Variants in PRPSAP2 observed in about 807,000 individuals in gnomAD.
PRPSAP2 encodes the protein phosphoribosyl pyrophosphate synthetase associated protein 2.
Under a neutral mutation model 40.6 loss-of-function variants are expected in PRPSAP2, and 24 were observed. The observed-to-expected ratio is 0.59, with a 90% CI of 0.43 to 0.83. PRPSAP2 has a LOEUF of 0.83. Ranked by LOEUF, PRPSAP2 falls within the 40% of genes least tolerant of loss-of-function variation. The pLI is 0.00. For missense variants in PRPSAP2, 292 were observed against 465.6 expected (o/e 0.63, Z 3.43); for synonymous variants, 149 against 164.7 (o/e 0.90, Z 0.73).
chr17:18,871,653 CTTTTTTTTTTTTT>C (rs142523345), intron 4 of PRPSAP2, among the ~76,000 whole-genome samples: 2 of 129,784 alleles, frequency 1.5e-5, no homozygotes, highest in East Asian at 2.7e-4. Flanking sequence ...ATATAATTTT[CTTTTTTTTTTTTT>C]TTTTTTTTTT....
intron 6 of PRPSAP2, among the ~76,000 whole-genome samples, chr17:18,878,395 A>G (rs1184908317): frequency 1.3e-5 from 2 of 152,176 alleles, no homozygotes; most frequent in African/African-American, 2.4e-5. Context: ...ATAGGCATAT[A>G]TTGGAAAAGA....
At chr17:18,917,021 A>C (rs1567743229) in intron 9 of PRPSAP2, among the ~76,000 whole-genome samples, 1 of 152,188 alleles carries the variant, frequency 6.6e-6, no homozygotes, top group Non-Finnish European at 1.5e-5. Context: ...ACCAGGAGGA[A>C]ATAGGAAGAA....
intron 8 of PRPSAP2, chr17:18,904,548 G>A (rs1156780762): frequency 2.0e-5 from 3 of 151,998 alleles, no homozygotes; most frequent in Non-Finnish European, 4.4e-5. Context: ...AGCCACTGTT[G>A]GGATAACAGG....
intron 4 of PRPSAP2, among the ~76,000 whole-genome samples, chr17:18,868,723 A>ATTTT (rs34924536): frequency 1.4e-5 from 2 of 144,492 alleles, no homozygotes; most frequent in Non-Finnish European, 3.0e-5. Flanking sequence ...TTAAAAAAAC[A>ATTTT]TTTTTTTTTT....
chr17:18,869,845 TGTGTG>T (rs1567673615), intron 4 of PRPSAP2, among the ~76,000 whole-genome samples: 14 of 146,964 alleles, frequency 9.5e-5, no homozygotes, highest in Non-Finnish European at 1.9e-4. Flanking sequence ...TTTTTTTTTG[TGTGTG>T]TGTGTGTGTG....
At chr17:18,860,094 C>T (rs545796882) in intron 1 of PRPSAP2, among the ~76,000 whole-genome samples, 4 of 151,514 alleles carry the variant, frequency 2.6e-5, no homozygotes, top group South Asian at 2.1e-4. Flanking sequence ...GAGTCTTGCT[C>T]TGTTGCCCAG....
rs899243219 is a variant in PRPSAP2 at position 18,882,460 on chromosome 17, A to G, written c.413-108A>G. The G allele has an allele frequency of 2.0e-5, 14 of 711,312 alleles. No homozygotes were observed. The East Asian group carries it at 2.0e-4, about 10-fold the overall frequency. The allele number at this position is 711,312 out of a possible 1,614,324, so 44.1% of individuals were successfully genotyped here. On this transcript the variant is annotated intron_variant, in intron 6 of 11. Transcript: ENST00000268835. ...TAGGAGTTCAAGGCTGCAGTTAGCT[A>G]TGGTCATGCCACTGCACTCCAGCCT...
At chr17:18,906,361 G>A (rs1201544334) in intron 8 of PRPSAP2, among the ~76,000 whole-genome samples, 1 of 152,058 alleles carries the variant, frequency 6.6e-6, no homozygotes, top group East Asian at 1.9e-4. Context: ...GACTACAGGC[G>A]CGTGCTACCA....
rs59015171 is a variant in PRPSAP2, at chr17:18,893,592, GA to G, written c.584+3726del. On this transcript the variant is annotated intron_variant, in intron 8 of 11. Coordinates refer to ENST00000268835, the MANE Select transcript of PRPSAP2 (RefSeq NM_002767.4). ...CAATATAGTGAGACCTCGTTTTTAA[GA>G]AAAAAAAAAACATTAACTGGATGTG... Among the ~76,000 whole-genome samples, 42 of 148,086 alleles carry G rather than the reference GA, an allele frequency of 2.8e-4. No homozygotes were observed. In the East Asian group the frequency reaches 5.6e-3, roughly 20 times the overall value.
At chr17:18,892,688 A>AGAGTGTGTGTGT (rs1555554086) in intron 8 of PRPSAP2, among the ~76,000 whole-genome samples, 6 of 75,382 alleles carry the variant, frequency 8.0e-5, no homozygotes, top group Non-Finnish European at 1.1e-4. Flanking sequence ...CAGCCTGTTG[A>AGAGTGTGTGTGT]GTGTGTGTGT....
chr17:18,925,295 T>A (rs2041912834), intron 10 of PRPSAP2, among the ~76,000 whole-genome samples: 1 of 152,178 alleles, frequency 6.6e-6, no homozygotes, highest in African/African-American at 2.4e-5. Context: ...CATCACCAGG[T>A]ACCTAGAGGC....
chr17:18,885,067 C>T (rs2039034425), intron 7 of PRPSAP2, among the ~76,000 whole-genome samples: 1 of 152,036 alleles, frequency 6.6e-6, no homozygotes, highest in African/African-American at 2.4e-5. Flanking sequence ...GATGACACTG[C>T]CTTCTACTTG....
At chr17:18,899,519 G>GTTTTTTTTTT (rs574203117) in intron 8 of PRPSAP2, among the ~76,000 whole-genome samples, 1 of 60,576 alleles carries the variant, frequency 1.7e-5, no homozygotes, top group African/African-American at 6.8e-5. Flanking sequence ...ATCCAACTGA[G>GTTTTTTTTTT]TTTTTTTTTT....
chr17:18,882,454 T>G, intron 6 of PRPSAP2, 114 bp from the exon 7 acceptor site: 1 of 693,988 alleles, frequency 1.4e-6, no homozygotes, highest in South Asian at 1.8e-5. Context: ...AAGGCTGCAG[T>G]TAGCTATGGT....
chr17:18,859,407 T>C (rs747432084), intron 1 of PRPSAP2: 4 of 152,252 alleles, frequency 2.6e-5, no homozygotes, highest in Non-Finnish European at 5.9e-5. Flanking sequence ...CACTGTTGCA[T>C]AGGACTAACT....
chr17:18,925,145 A>G (rs1408092470), intron 10 of PRPSAP2, among the ~76,000 whole-genome samples: 2 of 152,230 alleles, frequency 1.3e-5, no homozygotes, highest in Non-Finnish European at 2.9e-5. Context: ...AGTAAACTAC[A>G]AAGTTGATTA....
In PRPSAP2 at chr17:18,861,736, G is replaced by A. The variant is rs2037034919; in HGVS notation, c.-129+3475G>A. On this transcript the variant is annotated intron_variant, in intron 1 of 11. Coordinates refer to ENST00000268835, the MANE Select transcript of PRPSAP2 (RefSeq NM_002767.4). ...AGGAAAGACTTCAGGAAATATCCTG[G>A]AAAAAATATACAAAGGCAGGAGAGC... is the stretch of plus-strand genomic sequence containing the variant. Among the ~76,000 whole-genome samples, 6 of 152,136 alleles carry A rather than the reference G, an allele frequency of 3.9e-5. No homozygotes were observed. The South Asian group carries it at 1.2e-3, about 32-fold the overall frequency.
chr17:18,871,339 G>GT (rs2151892692), intron 4 of PRPSAP2, among the ~76,000 whole-genome samples: 1 of 152,146 alleles, frequency 6.6e-6, no homozygotes. Context: ...TTTTATAGTT[G>GT]TTTTTTCCAA....
intron 7 of PRPSAP2, among the ~76,000 whole-genome samples, chr17:18,882,932 T>G (rs899273268): frequency 5.3e-5 from 8 of 152,234 alleles, no homozygotes; most frequent in Admixed American, 4.6e-4. Flanking sequence ...ATGATTGTAA[T>G]GAGTAATTTA....
Sources: gnomAD v4.1 joint callset for allele counts (sites outside exome capture counted in the v4.1 genomes callset) on GRCh38, gnomAD v4.1.1 for gene constraint, MANE v1.5 for transcripts, NCBI Gene and HGNC (gene_info 2026-07-23, HGNC 2026-07-21) for gene names.